The following PFKFB3 variants were observed in gnomAD, a reference collection of about 807,000 sequenced individuals.
The protein encoded by PFKFB3 is 6-phosphofructo-2-kinase/fructose-2,6-bisphosphatase 3.
A neutral mutation model predicts 68.0 loss-of-function variants in PFKFB3; 33 were observed. The ratio of observed to expected loss-of-function variants is 0.49; its 90% CI spans 0.37 to 0.65. The LOEUF is 0.65. Ranked by LOEUF, PFKFB3 falls within the 30% of genes least tolerant of loss-of-function variation. PFKFB3 has a pLI of 0.00. For synonymous variants in PFKFB3, 315 were observed against 288.2 expected (o/e 1.09, Z -0.94); for missense variants, 586 against 712.2 (o/e 0.82, Z 2.02).
intron 1 of PFKFB3, among the ~76,000 whole-genome samples, chr10:6,167,164 C>G (rs1368294546): frequency 6.6e-6 from 1 of 152,214 alleles, no homozygotes; most frequent in African/African-American, 2.4e-5. Flanking sequence ...TCCCCTCCAC[C>G]CCATGTGCCT....
In PFKFB3 at chr10:6,228,339, G is replaced by A. The variant is rs914218142; in HGVS notation, c.1515+1974G>A. 3 of 1,078,988 alleles carry A rather than the reference G, an allele frequency of 2.8e-6. No individual in the cohort carries two copies. The highest frequency in any genetic ancestry group is 1.3e-5 in the South Asian group (1 of 79,204). 66.8% of individuals were successfully genotyped at this position (1,078,988 alleles called of 1,614,324 possible). On this transcript the variant is annotated intron_variant, in intron 14 of 14. Coordinates refer to ENST00000379775, the MANE Select transcript of PFKFB3 (RefSeq NM_004566.4). This position sits in a 1 kb window ranked among gnomAD's most constrained non-coding sequence, Gnocchi z 4.5. ...GTTTTGTGATGTGAGGTCTTCCGTG[G>A]GGGAAGGAGGAGATGGGCGTAGGAG...
intron 1 of PFKFB3, among the ~76,000 whole-genome samples, chr10:6,194,933 C>A (rs896201796): frequency 4.0e-5 from 6 of 150,800 alleles, no homozygotes; most frequent in African/African-American, 1.5e-4. Context: ...AATGCAGTGG[C>A]GCAATCTCGG....
intron 1 of PFKFB3, among the ~76,000 whole-genome samples, chr10:6,158,165 T>G (rs973002673): frequency 6.6e-6 from 1 of 151,298 alleles, no homozygotes; most frequent in East Asian, 1.9e-4. Flanking sequence ...GGCGGGCGCC[T>G]GTGGTCCCAG....
intron 1 of PFKFB3, among the ~76,000 whole-genome samples, chr10:6,206,839 G>T (rs1304378206): frequency 0.012 from 170 of 14,474 alleles, no homozygotes; most frequent in Non-Finnish European, 0.014. Context: ...CTTCCCAGAC[G>T]GGGTGGCGGC....
At chr10:6,248,327 G>C (rs754222163) in intron 14 of PFKFB3, among the ~76,000 whole-genome samples, 90 of 152,028 alleles carry the variant, frequency 5.9e-4, no homozygotes, top group Non-Finnish European at 5.1e-4. Flanking sequence ...TCTACGGAAA[G>C]ACAGCAAATA....
the PFKFB3 span, among the ~76,000 whole-genome samples, chr10:6,281,166 C>CATATATATATATATATATATATAT: frequency 1.1e-4 from 9 of 84,552 alleles, no homozygotes; most frequent in African/African-American, 2.9e-4. Flanking sequence ...AGTATTCCAT[C>CATATATATATATATATATATATAT]ATATATATAT....
At chr10:6,239,714 C>A (rs1203616862), downstream of PFKFB3, among the ~76,000 whole-genome samples, 1 of 152,150 alleles carries the variant, frequency 6.6e-6, no homozygotes, top group Non-Finnish European at 1.5e-5. Context: ...TGCTCTGTTG[C>A]CCAGGCTGGA....
At chr10:6,188,904 G>C (rs1367841480) in intron 1 of PFKFB3, among the ~76,000 whole-genome samples, 10 of 145,376 alleles carry the variant, frequency 6.9e-5, no homozygotes, top group Non-Finnish European at 1.0e-4. Context: ...GCGCGATCTC[G>C]GCTCACTGCA....
the PFKFB3 span, among the ~76,000 whole-genome samples, chr10:6,287,919 C>T: frequency 2.5e-4 from 38 of 152,260 alleles, no homozygotes; most frequent in Non-Finnish European, 4.7e-4. Flanking sequence ...TTTTCCTTCT[C>T]TCTGAAAAAC....
the PFKFB3 span, among the ~76,000 whole-genome samples, chr10:6,307,333 ACACACACACACAC>A: frequency 2.6e-5 from 3 of 117,446 alleles, no homozygotes; most frequent in Admixed American, 8.4e-5. Context: ...TGCGTACTAC[ACACACACACACAC>A]ACACACACAC....
intron 1 of PFKFB3, among the ~76,000 whole-genome samples, chr10:6,171,458 C>T (rs952596784): frequency 2.7e-4 from 40 of 150,318 alleles, no homozygotes; most frequent in Non-Finnish European, 4.6e-4. Flanking sequence ...TGCAGTGGCG[C>T]GATCTTGGCT....
chr10:6,219,265 C>G (rs1455339516), intron 6 of PFKFB3, among the ~76,000 whole-genome samples: 1 of 152,216 alleles, frequency 6.6e-6, no homozygotes, highest in Non-Finnish European at 1.5e-5. Context: ...CTGGCGGTGA[C>G]TCGGGCACGG....
intron 1 of PFKFB3, among the ~76,000 whole-genome samples, chr10:6,208,719 C>A (rs1389072850): frequency 1.3e-5 from 2 of 152,116 alleles, no homozygotes; most frequent in African/African-American, 4.8e-5. Context: ...TGCACACCAT[C>A]AGAGAGGTTA....
At chr10:6,259,829 G>C in the PFKFB3 span, among the ~76,000 whole-genome samples, 1 of 152,302 alleles carries the variant, frequency 6.6e-6, no homozygotes, top group South Asian at 2.1e-4. Flanking sequence ...AGAGTTTGCT[G>C]TCTCCTAGCC....
At chr10:6,192,664 C>CGTGT (rs34129264) in intron 1 of PFKFB3, among the ~76,000 whole-genome samples, 7,599 of 128,654 alleles carry the variant, frequency 0.059, 165 homozygotes, top group Non-Finnish European at 0.063. Context: ...TCCCCTCACC[C>CGTGT]GTGTGTGTGT....
chr10:6,282,515 A>G, the PFKFB3 span, among the ~76,000 whole-genome samples: 1 of 152,220 alleles, frequency 6.6e-6, no homozygotes, highest in Admixed American at 6.5e-5. Flanking sequence ...TGACCGTAGC[A>G]GCAGATGTAG....
At chr10:6,168,922 C>A (rs1423125908) in intron 1 of PFKFB3, among the ~76,000 whole-genome samples, 1 of 152,212 alleles carries the variant, frequency 6.6e-6, no homozygotes, top group African/African-American at 2.4e-5. Flanking sequence ...CCTCTCCCGT[C>A]TGCCCCCCGA....
chr10:6,267,559 T>C, the PFKFB3 span, among the ~76,000 whole-genome samples: 1 of 152,142 alleles, frequency 6.6e-6, no homozygotes, highest in Non-Finnish European at 1.5e-5. Context: ...TCTTACTTAC[T>C]CACTTGTAGA....
chr10:6,259,402 C>G (rs1391517396), downstream of PFKFB3, among the ~76,000 whole-genome samples: 1 of 151,282 alleles, frequency 6.6e-6, no homozygotes, highest in Non-Finnish European at 1.5e-5. Flanking sequence ...ATCTGCTCAC[C>G]CATCCACCCA....
Sources: allele counts gnomAD v4.1 joint callset (sites outside exome capture counted in the v4.1 genomes callset), GRCh38; gene constraint gnomAD v4.1.1; non-coding constraint Gnocchi (gnomAD v3.1); transcripts MANE v1.5; gene names NCBI Gene and HGNC (gene_info 2026-07-23, HGNC 2026-07-21).